Variants in SNTG1 observed in about 807,000 individuals in gnomAD.
SNTG1 encodes the protein gamma-1-syntrophin.
Under a neutral mutation model 74.7 loss-of-function variants are expected in SNTG1, and 39 were observed. The observed-to-expected ratio is 0.52, with a 90% CI of 0.40 to 0.68. The LOEUF (loss-of-function observed/expected upper bound fraction) is 0.68, where lower values mean the gene tolerates loss of function less well. Ranked by LOEUF, SNTG1 falls within the 30% of genes least tolerant of loss-of-function variation. The pLI is 0.00. For synonymous variants in SNTG1, 254 were observed against 217.1 expected, an observed-to-expected ratio of 1.17 and a Z score of -1.49; for missense variants, 685 against 609.5, an observed-to-expected ratio of 1.12 and a Z score of -1.30.
At chr8:50,352,309 G>A (rs2091685561) in intron 2 of SNTG1, among the ~76,000 whole-genome samples, 1 of 152,036 alleles carries the variant, frequency 6.6e-6, no homozygotes, top group South Asian at 2.1e-4. Context: ...AACTTTAAGT[G>A]CTTTCTTTGA....
chr8:50,012,643 A>G (rs1019595755), intron 1 of SNTG1, among the ~76,000 whole-genome samples: 1 of 152,116 alleles, frequency 6.6e-6, no homozygotes, highest in African/African-American at 2.4e-5. Context: ...TTTGTTACTC[A>G]CAGTTCCCTA....
chr8:50,023,756 T>C (rs919794933), intron 1 of SNTG1, among the ~76,000 whole-genome samples: 4 of 152,168 alleles, frequency 2.6e-5, no homozygotes, highest in Non-Finnish European at 5.9e-5. Context: ...CCAATATATT[T>C]AGTAAGTCAA....
intron 1 of SNTG1, among the ~76,000 whole-genome samples, chr8:50,089,724 T>G (rs2131147780): frequency 6.6e-6 from 1 of 152,172 alleles, no homozygotes; most frequent in Non-Finnish European, 1.5e-5. Context: ...CTCACACCAG[T>G]TAGAATGGCA....
chr8:50,569,316 C>A (rs1563588752), intron 12 of SNTG1, among the ~76,000 whole-genome samples: 1 of 151,556 alleles, frequency 6.6e-6, no homozygotes, highest in Non-Finnish European at 1.5e-5. Flanking sequence ...GACACACACA[C>A]AAATAATTTA....
intron 4 of SNTG1, among the ~76,000 whole-genome samples, chr8:50,405,546 C>A (rs2131368979): frequency 6.6e-6 from 1 of 152,080 alleles, no homozygotes; most frequent in African/African-American, 2.4e-5. Context: ...ATTTTAGATA[C>A]TAGTCCCTTA....
At chr8:50,147,937 T>C (rs544792531) in intron 1 of SNTG1, among the ~76,000 whole-genome samples, 53 of 151,928 alleles carry the variant, frequency 3.5e-4, no homozygotes, top group African/African-American at 1.2e-3. Flanking sequence ...ACAGGGAAAA[T>C]AGAGGATAAG....
chr8:50,351,529 T>C (rs2091661294), intron 2 of SNTG1, among the ~76,000 whole-genome samples: 1 of 152,252 alleles, frequency 6.6e-6, no homozygotes, highest in South Asian at 2.1e-4. Flanking sequence ...AATTTCCTAA[T>C]GGACTTTAGT....
chr8:50,585,105 C>G (rs2094639292), intron 12 of SNTG1, among the ~76,000 whole-genome samples: 1 of 152,112 alleles, frequency 6.6e-6, no homozygotes, highest in African/African-American at 2.4e-5. Context: ...AGACCGTATG[C>G]TTTGGCAGCT....
intron 2 of SNTG1, among the ~76,000 whole-genome samples, chr8:50,221,171 C>A (rs2085044273): frequency 6.6e-6 from 1 of 151,884 alleles, no homozygotes; most frequent in East Asian, 1.9e-4. Context: ...AAGAGGAAAT[C>A]ATAATGGGAA....
intron 8 of SNTG1, among the ~76,000 whole-genome samples, chr8:50,498,444 T>G (rs2093922864): frequency 6.6e-6 from 1 of 151,882 alleles, no homozygotes; most frequent in African/African-American, 2.4e-5. Flanking sequence ...TCATGTTTTA[T>G]TAGGCGTTTG....
At chr8:50,358,371 C>T (rs1265228302) in intron 2 of SNTG1, among the ~76,000 whole-genome samples, 1 of 152,170 alleles carries the variant, frequency 6.6e-6, no homozygotes, top group Non-Finnish European at 1.5e-5. Flanking sequence ...AAGCAAAGGT[C>T]AGGACCAATG....
intron 1 of SNTG1, among the ~76,000 whole-genome samples, chr8:50,164,651 A>G (rs191672633): frequency 3.9e-5 from 6 of 152,318 alleles, no homozygotes; most frequent in African/African-American, 9.6e-5. Flanking sequence ...TTTCCCTGCT[A>G]CATTCACAGA....
chr8:50,192,189 T>C (rs922195380), intron 2 of SNTG1, among the ~76,000 whole-genome samples: 21 of 152,262 alleles, frequency 1.4e-4, no homozygotes, highest in Non-Finnish European at 1.5e-5. Flanking sequence ...TTTGTTTTGT[T>C]TGTCATATCT....
intron 2 of SNTG1, chr8:50,286,799 T>C (rs2088812403): frequency 6.6e-6 from 1 of 152,210 alleles, no homozygotes; most frequent in South Asian, 2.1e-4. Flanking sequence ...GATGCAGGTT[T>C]AACCTGTTAT....
chr8:50,070,095 A>G (rs1484667814), intron 1 of SNTG1, among the ~76,000 whole-genome samples: 1 of 152,240 alleles, frequency 6.6e-6, no homozygotes, highest in Non-Finnish European at 1.5e-5. Flanking sequence ...TGCATGTGAT[A>G]CTAAAAATAT....
chr8:50,334,665 T>C (rs532035956), intron 2 of SNTG1, among the ~76,000 whole-genome samples: 1 of 152,304 alleles, frequency 6.6e-6, no homozygotes, highest in South Asian at 2.1e-4. Context: ...AGTCCAGAAA[T>C]GCCCATTGCT....
chr8:50,162,256 G>A (rs779877146), intron 1 of SNTG1, among the ~76,000 whole-genome samples: 1 of 152,140 alleles, frequency 6.6e-6, no homozygotes, highest in East Asian at 1.9e-4. Context: ...TGAACCCTGC[G>A]GCCTGCTGGC....
At chr8:50,230,360 A>C (rs983709145) in intron 2 of SNTG1, among the ~76,000 whole-genome samples, 1 of 151,284 alleles carries the variant, frequency 6.6e-6, no homozygotes, top group Non-Finnish European at 1.5e-5. Flanking sequence ...TATTACTATG[A>C]AAGAAGGGAC....
At chr8:50,320,690 C>A (rs1195336341) in intron 2 of SNTG1, among the ~76,000 whole-genome samples, 1 of 151,868 alleles carries the variant, frequency 6.6e-6, no homozygotes, top group Admixed American at 6.6e-5. Flanking sequence ...TGCTGTATCC[C>A]ACAGGTTTTG....
Sources: gnomAD v4.1 joint callset for allele counts (sites outside exome capture counted in the v4.1 genomes callset) on GRCh38, gnomAD v4.1.1 for gene constraint, MANE v1.5 for transcripts, NCBI Gene and HGNC (gene_info 2026-07-23, HGNC 2026-07-21) for gene names.